Variants in DYNC1I1 observed in about 807,000 individuals in gnomAD.
DYNC1I1 encodes the protein cytoplasmic dynein 1 intermediate chain 1.
In DYNC1I1, 43 loss-of-function variants were observed where a neutral mutation model predicts 86.6. The ratio of observed to expected loss-of-function variants is 0.50; its 90% CI spans 0.39 to 0.64. The LOEUF (loss-of-function observed/expected upper bound fraction) is 0.64. DYNC1I1 is among the 30% of genes least tolerant of loss of function. The pLI, the probability that DYNC1I1 is intolerant of heterozygous loss-of-function variation, is 0.00. For missense variants in DYNC1I1, 604 were observed against 788.8 expected (o/e 0.77, Z 2.81); for synonymous variants, 262 against 283.7 (o/e 0.92, Z 0.77).
chr7:96,006,615 A>G (rs915374040), intron 10 of DYNC1I1, among the ~76,000 whole-genome samples: 1 of 152,208 alleles, frequency 6.6e-6, no homozygotes, highest in Non-Finnish European at 1.5e-5. Flanking sequence ...AAACATCACA[A>G]ATTTGGACAA....
intron 10 of DYNC1I1, among the ~76,000 whole-genome samples, chr7:96,016,590 T>C (rs577609144): frequency 6.6e-6 from 1 of 152,308 alleles, no homozygotes; most frequent in South Asian, 2.1e-4. Context: ...CAGCTCTGAA[T>C]CTGGTTAGCT....
At chr7:96,076,526 A>G (rs150040552) in intron 15 of DYNC1I1, among the ~76,000 whole-genome samples, 5 of 152,248 alleles carry the variant, frequency 3.3e-5, no homozygotes, top group Middle Eastern at 6.8e-3. Context: ...AAATAACTTT[A>G]TAGGCAAATA....
At chr7:96,050,378 T>A (rs781727618) in intron 14 of DYNC1I1, among the ~76,000 whole-genome samples, 53 of 152,232 alleles carry the variant, frequency 3.5e-4, no homozygotes, top group Non-Finnish European at 7.1e-4. Context: ...AAATTTAAAA[T>A]GAAACTTCTC....
intron 6 of DYNC1I1, among the ~76,000 whole-genome samples, chr7:95,933,674 G>A (rs1791962636): frequency 6.6e-6 from 1 of 152,120 alleles, no homozygotes; most frequent in Non-Finnish European, 1.5e-5. Context: ...CCCTTGCAGA[G>A]GTGACATGAC....
At chr7:95,812,956 A>G (rs1260505346) in intron 3 of DYNC1I1, among the ~76,000 whole-genome samples, 1 of 152,166 alleles carries the variant, frequency 6.6e-6, no homozygotes, top group African/African-American at 2.4e-5. Flanking sequence ...AATTATCTGG[A>G]TAGCTATTTT....
intron 6 of DYNC1I1, among the ~76,000 whole-genome samples, chr7:95,882,264 G>A (rs1377948616): frequency 6.6e-6 from 1 of 152,160 alleles, no homozygotes; most frequent in African/African-American, 2.4e-5. Flanking sequence ...TTGTTTTGCT[G>A]CCGAAGACTG....
intron 14 of DYNC1I1, among the ~76,000 whole-genome samples, chr7:96,066,715 G>T (rs184613899): frequency 3.9e-5 from 6 of 152,282 alleles, no homozygotes; most frequent in Admixed American, 1.3e-4. Context: ...GAACTCTGTT[G>T]TGTGTTTGTT....
downstream of DYNC1I1, among the ~76,000 whole-genome samples, chr7:96,101,006 T>C (rs1257078306): frequency 1.3e-5 from 2 of 152,032 alleles, no homozygotes; most frequent in East Asian, 3.9e-4. Context: ...CCTTTGTAGG[T>C]CAGGGCTGAT....
intron 4 of DYNC1I1, among the ~76,000 whole-genome samples, chr7:95,814,716 G>C (rs183355328): frequency 9.2e-5 from 14 of 152,166 alleles, no homozygotes; most frequent in African/African-American, 3.4e-4. Flanking sequence ...ATTTCTGCCT[G>C]TTGGTGTCCT....
intron 4 of DYNC1I1, among the ~76,000 whole-genome samples, chr7:95,823,489 T>G (rs1402092458): frequency 6.6e-6 from 1 of 152,216 alleles, no homozygotes; most frequent in Non-Finnish European, 1.5e-5. Context: ...GAGAGCTACT[T>G]TCTTCCTTGT....
At chr7:96,095,021 C>A (rs973998916) in intron 16 of DYNC1I1, among the ~76,000 whole-genome samples, 1 of 152,166 alleles carries the variant, frequency 6.6e-6, no homozygotes, top group Admixed American at 6.5e-5. Context: ...TACTGTGACA[C>A]TTTTATGAGG....
chr7:96,093,794 G>A (rs763726653), intron 16 of DYNC1I1, among the ~76,000 whole-genome samples: 1 of 151,778 alleles, frequency 6.6e-6, no homozygotes, highest in African/African-American at 2.4e-5. Context: ...TCCCTTAATT[G>A]AACTATACAT....
At chr7:95,984,691 T>C in intron 7 of DYNC1I1, 124 bp from the exon 8 acceptor site, 1 of 877,924 alleles carries the variant, frequency 1.1e-6, no homozygotes, top group Non-Finnish European at 1.6e-6. Context: ...ATGATTTGTT[T>C]CACTGTGTCT....
At chr7:95,793,626 C>T (rs1206166726) in intron 1 of DYNC1I1, among the ~76,000 whole-genome samples, 1 of 152,148 alleles carries the variant, frequency 6.6e-6, no homozygotes, top group Non-Finnish European at 1.5e-5. Context: ...ATGTTGGTTG[C>T]ACACAGAGTC....
intron 10 of DYNC1I1, among the ~76,000 whole-genome samples, chr7:96,023,857 A>G (rs1179754096): frequency 6.6e-6 from 1 of 152,190 alleles, no homozygotes; most frequent in Admixed American, 6.5e-5. Context: ...TCTGCTAAAA[A>G]CATTGGAAAC....
At chr7:95,795,197 A>AGC (rs1282825616) in intron 1 of DYNC1I1, among the ~76,000 whole-genome samples, 1 of 152,232 alleles carries the variant, frequency 6.6e-6, no homozygotes, top group Admixed American at 6.5e-5. Context: ...TTTGTTTAAG[A>AGC]GCTTTCTTTG....
intron 10 of DYNC1I1, among the ~76,000 whole-genome samples, chr7:96,010,371 A>T (rs978615160): frequency 2.0e-5 from 3 of 152,162 alleles, no homozygotes; most frequent in South Asian, 2.1e-4. Flanking sequence ...GCGACCTCAC[A>T]TGAAGAATAC....
At chr7:95,796,916 A>G (rs1195347995) in intron 1 of DYNC1I1, among the ~76,000 whole-genome samples, 2 of 152,142 alleles carry the variant, frequency 1.3e-5, no homozygotes, top group Non-Finnish European at 2.9e-5. Flanking sequence ...TGATGATATT[A>G]AAGCAATCAT....
At position 95,876,155 on chromosome 7, in the gene DYNC1I1, C is replaced by T. The variant is rs529566099; in HGVS notation, c.490+6157C>T. ...AGGAGTGTGGTTCAAGAACCCTGTGCTCATTCCTCCTCTTAGTTTAACACT... is the reference window on the plus strand; with the variant it reads ...AGGAGTGTGGTTCAAGAACCCTGTGTTCATTCCTCCTCTTAGTTTAACACT... On this transcript the variant is annotated intron_variant, in intron 6 of 16. Transcript: ENST00000447467. Among the ~76,000 whole-genome samples, 13 of 151,236 alleles carry T rather than the reference C, an allele frequency of 8.6e-5. No homozygotes were observed. The South Asian group carries it at 2.7e-3, about 31-fold the overall frequency.
Sources: gnomAD v4.1 joint callset for allele counts (sites outside exome capture counted in the v4.1 genomes callset) on GRCh38, gnomAD v4.1.1 for gene constraint, MANE v1.5 for transcripts, NCBI Gene and HGNC (gene_info 2026-07-23, HGNC 2026-07-21) for gene names.